SLC16A7: variants seen among roughly 807,000 people sequenced by gnomAD.
SLC16A7 encodes solute carrier family 16 member 7, also known as monocarboxylate transporter 2.
In SLC16A7, 33 loss-of-function variants were observed where a neutral mutation model predicts 34.9. That is an observed-to-expected ratio of 0.94 (90% CI 0.72 to 1.26). SLC16A7 has a LOEUF of 1.26. Ranked by LOEUF, SLC16A7 falls within the 50% of genes most tolerant of loss-of-function variation. The pLI, the probability that SLC16A7 is intolerant of heterozygous loss-of-function variation, is 0.00. For synonymous variants in SLC16A7, 201 were observed against 206.6 expected (o/e 0.97, Z 0.23); for missense variants, 573 against 578.1 (o/e 0.99, Z 0.09).
chr12:59,778,216 T>C (rs1745618149), intron 5 of SLC16A7, among the ~76,000 whole-genome samples: 1 of 152,106 alleles, frequency 6.6e-6, no homozygotes, highest in Non-Finnish European at 1.5e-5. Context: ...ATAATAATCA[T>C]TGTAGAAATA....
rs11173113 is a variant in SLC16A7 at position 59,680,593 on chromosome 12, T to C, written c.-30-24179T>C. 5.8e-3 allele frequency among the ~76,000 whole-genome samples: 878 copies of C among 152,296 alleles called. 8 individuals carry two copies. The highest frequency in any genetic ancestry group is 0.048 in the Middle Eastern group (14 of 294). On this transcript the variant is annotated intron_variant, in intron 2 of 5. Transcript: ENST00000547379. The stretch of plus-strand genomic sequence containing the variant: ...TCTATCCCTGAATGATTAATGTCTA[T>C]TATAATACCGTATTTATTTTCTTTA...
At chr12:59,746,125 G>A (rs1005023069) in intron 3 of SLC16A7, among the ~76,000 whole-genome samples, 11 of 152,144 alleles carry the variant, frequency 7.2e-5, no homozygotes, top group African/African-American at 2.4e-4. Context: ...GTAAAAGGTC[G>A]GATGAACTTC....
chr12:59,757,544 G>T (rs1441168790), intron 3 of SLC16A7, among the ~76,000 whole-genome samples: 10 of 152,048 alleles, frequency 6.6e-5, no homozygotes, highest in Admixed American at 1.3e-4. Context: ...AAAGCAAAAT[G>T]GTGGAAGAAG....
At position 59,786,740 on chromosome 12, in the gene SLC16A7, A is replaced by C. The variant is rs1883649426; in HGVS notation, c.*7061A>C. ...GGATTTTGCCTAAACCTATACCAAT[A>C]CTCTGAATAAATGCAGGGTTGGAGA... On this transcript the variant is annotated 3_prime_UTR_variant, in exon 6 of 6. Coordinates refer to ENST00000547379, the MANE Select transcript of SLC16A7 (RefSeq NM_001270623.2). 1.3e-5 allele frequency: 2 copies of C among 152,078 alleles called. No homozygotes were observed. Among genetic ancestry groups the C allele is most frequent in the African/African-American group, 4.8e-5 (2 of 41,420 alleles). 9.4% of individuals were successfully genotyped at this position (152,078 alleles called of 1,614,324 possible). A position where few individuals can be genotyped will look rare whatever the true frequency, so the allele number is the denominator to read the frequency against.
intron 3 of SLC16A7, among the ~76,000 whole-genome samples, chr12:59,739,246 A>C (rs866895176): frequency 0.011 from 1,334 of 123,054 alleles, 24 homozygotes; most frequent in Middle Eastern, 0.019. Context: ...TCCTGTGTCC[A>C]TATGTTCTCA....
At chr12:59,733,688 T>C (rs1877232065) in intron 3 of SLC16A7, 1 of 455,730 alleles carries the variant, frequency 2.2e-6, no homozygotes, top group African/African-American at 2.0e-5. Flanking sequence ...CCTGGTTATG[T>C]TACAACTGTT....
chr12:59,693,036 C>A (rs531580644), intron 2 of SLC16A7, among the ~76,000 whole-genome samples: 25 of 151,790 alleles, frequency 1.6e-4, no homozygotes, highest in Non-Finnish European at 3.1e-4. Flanking sequence ...GCCAAAAAAC[C>A]AGACAATTAT....
In SLC16A7 at chr12:59,782,468, C is replaced by A. The variant is rs1384067587; in HGVS notation, c.*2789C>A. 5 of 152,130 alleles carry A rather than the reference C, an allele frequency of 3.3e-5. No homozygotes were observed. Among genetic ancestry groups the A allele is most frequent in the Non-Finnish European group, 7.4e-5 (5 of 68,012 alleles). The allele number at this position is 152,130 out of a possible 1,614,324, so 9.4% of individuals were successfully genotyped here. On this transcript the variant is annotated 3_prime_UTR_variant, in exon 6 of 6. Coordinates refer to ENST00000547379, the MANE Select transcript of SLC16A7 (RefSeq NM_001270623.2). ...TGCAACAATTAGTATGAACATATTT[C>A]TTTCTCTAGGGAATAATAGGTTTTA...
At chr12:59,640,659 A>AT (rs764449410) in intron 1 of SLC16A7, among the ~76,000 whole-genome samples, 49 of 151,896 alleles carry the variant, frequency 3.2e-4, no homozygotes, top group Non-Finnish European at 6.5e-4. Flanking sequence ...TTTTTCAATG[A>AT]TTTTTTCCTT....
At chr12:59,616,751 T>C (rs773866400) in intron 1 of SLC16A7, among the ~76,000 whole-genome samples, 99 of 152,172 alleles carry the variant, frequency 6.5e-4, no homozygotes, top group Non-Finnish European at 1.0e-3. Context: ...AGGAATTTTA[T>C]TTCCAGAGTG....
In SLC16A7 at chr12:59,665,750, TAC is replaced by T. The variant is rs540590107; in HGVS notation, c.-31+10514_-31+10515del. ...TGAATTACAGGAATTTATATATATA[TAC>T]ACACACACACACATATATGTAACTT... On this transcript the variant is annotated intron_variant, in intron 2 of 5. Coordinates refer to ENST00000547379, the MANE Select transcript of SLC16A7 (RefSeq NM_001270623.2). Among the ~76,000 whole-genome samples the T allele has an allele frequency of 1.7e-3, 251 of 151,342 alleles. 1 individual carries two copies. Among genetic ancestry groups the T allele is most frequent in the African/African-American group, 2.8e-3 (114 of 41,320 alleles).
rs1883433628 is a variant in SLC16A7, at chr12:59,783,917, G to C, written c.*4238G>C. On this transcript the variant is annotated 3_prime_UTR_variant, in exon 6 of 6. Coordinates refer to ENST00000547379, the MANE Select transcript of SLC16A7 (RefSeq NM_001270623.2). ...CTGGTCTTGAACTCTGACCTCAGGT[G>C]ATTCACTCGCCTCTGCCTCCCAAAG... The C allele has an allele frequency of 6.6e-6, 1 of 152,078 alleles. No homozygotes were observed. Among genetic ancestry groups the C allele is most frequent in the Non-Finnish European group, 1.5e-5 (1 of 68,060 alleles). 9.4% of individuals were successfully genotyped at this position (152,078 alleles called of 1,614,324 possible). A position where few individuals can be genotyped will look rare whatever the true frequency, so the allele number is the denominator to read the frequency against.
chr12:59,707,429 C>A (rs1453805919), intron 3 of SLC16A7, among the ~76,000 whole-genome samples: 1 of 151,966 alleles, frequency 6.6e-6, no homozygotes, highest in African/African-American at 2.4e-5. Context: ...TTTCTCAAAC[C>A]ACTAAATCTC....
rs566561304 is a variant in SLC16A7, at chr12:59,630,511, A to T, written c.-129-24641A>T. Reference sequence around the variant, plus strand: ...AGGGTTGTTACAAGTATTGAATGAAACACATACAGAAATTACTTGGCTCAT... The same window carrying T: ...AGGGTTGTTACAAGTATTGAATGAATCACATACAGAAATTACTTGGCTCAT... On this transcript the variant is annotated intron_variant, in intron 1 of 5. Transcript: ENST00000547379. Among the ~76,000 whole-genome samples the T allele has an allele frequency of 5.3e-5, 8 of 151,990 alleles. No homozygotes were observed. The South Asian group carries it at 1.7e-3, about 32-fold the overall frequency.
At chr12:59,656,857 A>G (rs551600686) in intron 2 of SLC16A7, among the ~76,000 whole-genome samples, 5 of 152,134 alleles carry the variant, frequency 3.3e-5, no homozygotes, top group Admixed American at 3.3e-4. Flanking sequence ...TAAGGGAACC[A>G]GCTTAACCCT....
chr12:59,699,585 A>G (rs1872662516), intron 2 of SLC16A7, among the ~76,000 whole-genome samples: 1 of 151,724 alleles, frequency 6.6e-6, no homozygotes, highest in Non-Finnish European at 1.5e-5. Flanking sequence ...AAAGTACAGG[A>G]ATGTTCATAG....
At chr12:59,607,096 A>C (rs1027562007) in intron 1 of SLC16A7, among the ~76,000 whole-genome samples, 2 of 152,210 alleles carry the variant, frequency 1.3e-5, no homozygotes, top group Admixed American at 6.5e-5. Flanking sequence ...GCTGCAGGGC[A>C]AAGTTGAGTA....
At position 59,775,433 on chromosome 12, in the gene SLC16A7, A is replaced by G. The variant is rs202152337; in HGVS notation, c.1138A>G (p.Ile380Val). Residue 380 changes from isoleucine to valine, a missense_variant, in exon 5 of 6, where the codon ATT becomes GTT. By Grantham distance (29) the Ile-to-Val change is conservative. Transcript: ENST00000547379. ...TTCCAGTGCCGTCGGACTTGTCACA[A>G]TTGTGGAGTGTGGCCCAGTTCTTCT... ...RFSSAVGLVT[I>V]VECGPVLLGP... The G allele has an allele frequency of 6.8e-6, 11 of 1,613,920 alleles. No individual in the cohort carries two copies. Among genetic ancestry groups the G allele is most frequent in the East Asian group, 2.2e-5 (1 of 44,894 alleles).
At chr12:59,761,721 G>T (rs1881035420) in intron 3 of SLC16A7, among the ~76,000 whole-genome samples, 1 of 152,008 alleles carries the variant, frequency 6.6e-6, no homozygotes, top group Non-Finnish European at 1.5e-5. Context: ...GGAGTAAATG[G>T]CTGAGGCCCA....
Sources: gnomAD v4.1 joint callset for allele counts (sites outside exome capture counted in the v4.1 genomes callset) on GRCh38, gnomAD v4.1.1 for gene constraint, MANE v1.5 for transcripts, NCBI Gene and HGNC (gene_info 2026-07-23, HGNC 2026-07-21) for gene names.